The following TAFA2 variants were observed in gnomAD, a reference collection of about 807,000 sequenced individuals.
TAFA2 encodes chemokine-like protein TAFA-2.
TAFA2 carries 7 observed loss-of-function variants against 18.8 expected under a neutral mutation model. That is an observed-to-expected ratio of 0.37 (90% CI 0.21 to 0.70). The LOEUF (loss-of-function observed/expected upper bound fraction) is 0.70. TAFA2 is among the 30% of genes least tolerant of loss of function. TAFA2 has a pLI of 0.53. For missense variants in TAFA2, 122 were observed against 158.1 expected, an observed-to-expected ratio of 0.77 and a Z score of 1.23; for synonymous variants, 60 against 54.2, an observed-to-expected ratio of 1.11 and a Z score of -0.47.
At position 61,910,100 on chromosome 12, in the gene TAFA2, T is replaced by TTGTG. The variant is rs71083963; in HGVS notation, c.-1-42678_-1-42675dup. ...TGCGTGCTTGTGTGTGTGTGTGTGT[T>TTGTG]TGTGTGTGTGTGTGTGTGTGTGTGT... On this transcript the variant is annotated intron_variant, in intron 1 of 4. Transcript: ENST00000416284. Among the ~76,000 whole-genome samples the TTGTG allele has an allele frequency of 5.2e-3, 758 of 144,894 alleles. 7 individuals carry two copies. Among genetic ancestry groups the TTGTG allele is most frequent in the Middle Eastern group, 0.047 (13 of 278 alleles).
intron 1 of TAFA2, among the ~76,000 whole-genome samples, chr12:62,242,750 T>G (rs2062868299): frequency 6.6e-6 from 1 of 152,228 alleles, no homozygotes; most frequent in Non-Finnish European, 1.5e-5. Context: ...GATTAAGTTT[T>G]TGAAAAGCGG....
intron 4 of TAFA2, among the ~76,000 whole-genome samples, chr12:61,747,185 G>A (rs1471243001): frequency 6.6e-6 from 1 of 151,934 alleles, no homozygotes; most frequent in African/African-American, 2.4e-5. Context: ...ACACCAGTTA[G>A]AATGGCGATC....
At chr12:62,127,755 T>C (rs981275889) in intron 1 of TAFA2, among the ~76,000 whole-genome samples, 2 of 151,962 alleles carry the variant, frequency 1.3e-5, no homozygotes, top group African/African-American at 4.8e-5. Context: ...CTAGAGCAAG[T>C]TTCTTCTTGT....
At chr12:61,779,888 A>T (rs914447369) in intron 2 of TAFA2, among the ~76,000 whole-genome samples, 1 of 151,656 alleles carries the variant, frequency 6.6e-6, no homozygotes, top group South Asian at 2.1e-4. Flanking sequence ...TTCCCTTTTT[A>T]TGACTATAAA....
At chr12:62,217,958 TTATGTATG>T (rs145751037) in intron 1 of TAFA2, among the ~76,000 whole-genome samples, 9 of 146,218 alleles carry the variant, frequency 6.2e-5, no homozygotes, top group African/African-American at 1.0e-4. Context: ...TTATCTATTT[TTATGTATG>T]TATTTATTTA....
At chr12:62,039,522 C>T (rs1435271774) in intron 1 of TAFA2, among the ~76,000 whole-genome samples, 8 of 152,114 alleles carry the variant, frequency 5.3e-5, no homozygotes, top group Admixed American at 2.0e-4. Flanking sequence ...GAGAGCAGGG[C>T]ATTAAGCAAT....
At chr12:61,809,483 C>T (rs981452413) in intron 2 of TAFA2, among the ~76,000 whole-genome samples, 2 of 151,172 alleles carry the variant, frequency 1.3e-5, no homozygotes, top group Non-Finnish European at 2.9e-5. Flanking sequence ...AGATGTGGTT[C>T]AGAAGTAGTT....
At chr12:62,038,608 T>C (rs186050645) in intron 1 of TAFA2, among the ~76,000 whole-genome samples, 12 of 151,998 alleles carry the variant, frequency 7.9e-5, no homozygotes, top group African/African-American at 2.7e-4. Flanking sequence ...GCAAGGGGAG[T>C]CCTGGAGTCA....
chr12:61,948,757 T>C (rs1878366246), intron 1 of TAFA2, among the ~76,000 whole-genome samples: 1 of 152,176 alleles, frequency 6.6e-6, no homozygotes, highest in Admixed American at 6.5e-5. Flanking sequence ...TGCATTGTAA[T>C]CCTTAAATGA....
intron 1 of TAFA2, among the ~76,000 whole-genome samples, chr12:62,077,063 T>C (rs1868254299): frequency 6.6e-6 from 1 of 152,218 alleles, no homozygotes; most frequent in Admixed American, 6.5e-5. Flanking sequence ...ATTCTTCTAA[T>C]CCTAGATAAT....
At chr12:62,122,384 A>C (rs1475438460) in intron 1 of TAFA2, among the ~76,000 whole-genome samples, 1 of 152,220 alleles carries the variant, frequency 6.6e-6, no homozygotes, top group Admixed American at 6.5e-5. Context: ...CTACACTTGA[A>C]AAAGTAGGAT....
At chr12:61,923,670 AT>A (rs1402127121) in intron 1 of TAFA2, among the ~76,000 whole-genome samples, 1 of 152,088 alleles carries the variant, frequency 6.6e-6, no homozygotes, top group Admixed American at 6.5e-5. Context: ...AAAACCCAGA[AT>A]GCCTATTCTC....
At chr12:62,228,459 C>G (rs2062797564) in intron 1 of TAFA2, among the ~76,000 whole-genome samples, 1 of 152,172 alleles carries the variant, frequency 6.6e-6, no homozygotes, top group African/African-American at 2.4e-5. Context: ...GAGAAATCTC[C>G]AAACTGCTTT....
chr12:62,055,079 C>T (rs1368009985), intron 1 of TAFA2, among the ~76,000 whole-genome samples: 2 of 152,078 alleles, frequency 1.3e-5, no homozygotes, highest in African/African-American at 2.4e-5. Context: ...AGAGTGGAGT[C>T]CTCATAGATG....
intron 2 of TAFA2, among the ~76,000 whole-genome samples, chr12:61,787,131 C>T (rs1870772316): frequency 6.6e-6 from 1 of 151,114 alleles, no homozygotes; most frequent in Non-Finnish European, 1.5e-5. Context: ...ATAAACCTTG[C>T]AGGTCAGGAG....
intron 1 of TAFA2, among the ~76,000 whole-genome samples, chr12:61,899,318 G>C (rs1072693): frequency 0.54 from 82,758 of 151,918 alleles, 23,867 homozygotes; most frequent in African/African-American, 0.74. Flanking sequence ...CCCCACTCTT[G>C]GTACCAATTT....
chr12:62,116,743 G>A (rs887223906), intron 1 of TAFA2, among the ~76,000 whole-genome samples: 2 of 152,212 alleles, frequency 1.3e-5, no homozygotes, highest in Non-Finnish European at 1.5e-5. Flanking sequence ...GTTAAGTCGT[G>A]GGAATCACAG....
intron 1 of TAFA2, among the ~76,000 whole-genome samples, chr12:61,925,678 A>C (rs1318949339): frequency 6.6e-6 from 1 of 152,194 alleles, no homozygotes; most frequent in African/African-American, 2.4e-5. Flanking sequence ...TTGACACCAG[A>C]ATCTCTGTGA....
chr12:62,104,123 T>C (rs1171464628), intron 1 of TAFA2, among the ~76,000 whole-genome samples: 1 of 152,196 alleles, frequency 6.6e-6, no homozygotes, highest in Non-Finnish European at 1.5e-5. Context: ...TGAATAGTGA[T>C]AATTTTAATA....
Sources: gnomAD v4.1 joint callset for allele counts (sites outside exome capture counted in the v4.1 genomes callset) on GRCh38, gnomAD v4.1.1 for gene constraint, MANE v1.5 for transcripts, NCBI Gene and HGNC (gene_info 2026-07-23, HGNC 2026-07-21) for gene names.